PCDH7: variants seen among roughly 807,000 people sequenced by gnomAD.
The protein encoded by PCDH7 is protocadherin 7.
Under a neutral mutation model 58.9 loss-of-function variants are expected in PCDH7, and 17 were observed. The observed-to-expected ratio is 0.29, with a 90% CI of 0.20 to 0.43. The LOEUF is 0.43. PCDH7 is among the 20% of genes least tolerant of loss of function. The pLI is 1.00. For synonymous variants in PCDH7, 664 were observed against 616.4 expected, an observed-to-expected ratio of 1.08 and a Z score of -1.14; for missense variants, 1,274 against 1,441.0, an observed-to-expected ratio of 0.88 and a Z score of 1.88.
intron 3 of PCDH7, among the ~76,000 whole-genome samples, chr4:30,959,245 T>C (rs1442396183): frequency 7.1e-6 from 1 of 141,788 alleles, no homozygotes; most frequent in Non-Finnish European, 1.6e-5. Flanking sequence ...AATTGGAAAG[T>C]CTTTTTTTTT....
chr4:31,001,412 A>C (rs912825912), intron 3 of PCDH7, among the ~76,000 whole-genome samples: 2 of 152,180 alleles, frequency 1.3e-5, no homozygotes, highest in Admixed American at 6.5e-5. Flanking sequence ...ACAAGAGCAC[A>C]TAAAATCAAC....
At chr4:30,979,349 G>GA (rs1038971086) in intron 3 of PCDH7, among the ~76,000 whole-genome samples, 2 of 146,928 alleles carry the variant, frequency 1.4e-5, no homozygotes, top group Admixed American at 6.7e-5. Context: ...AGAAAAAAAA[G>GA]AAAAAAAAAT....
chr4:30,813,736 G>GAAAA (rs1727294825), intron 1 of PCDH7, among the ~76,000 whole-genome samples: 1 of 152,126 alleles, frequency 6.6e-6, no homozygotes, highest in South Asian at 2.1e-4. Context: ...CCACCTTCTG[G>GAAAA]TTTCAAGCAA....
chr4:31,064,412 C>A (rs1245435899), intron 3 of PCDH7, among the ~76,000 whole-genome samples: 1 of 151,924 alleles, frequency 6.6e-6, no homozygotes, highest in African/African-American at 2.4e-5. Context: ...TTGTATGTGG[C>A]AACAAAATGT....
chr4:30,723,828 C>G lies in PCDH7; in HGVS notation c.2406C>G (p.Ser802=). The G allele has an allele frequency of 6.2e-7, 1 of 1,614,076 alleles. No individual in the cohort carries two copies. Among genetic ancestry groups the G allele is most frequent in the Non-Finnish European group, 8.5e-7 (1 of 1,180,000 alleles). ...TTGATCCCACTAGTGGTGTGGTTTC[C>G]TTAGTGGGAAAACTCACCCAAAAGC... The change falls in exon 1 of 2, where the codon TCC becomes TCG. Residue 802 remains serine (S), a synonymous_variant. Coordinates refer to ENST00000361762, the Ensembl canonical transcript of PCDH7. The surrounding 1 kb of genome is among the most constrained non-coding windows in gnomAD (Gnocchi z 4.6).
chr4:31,075,604 G>C (rs907902070), intron 3 of PCDH7, among the ~76,000 whole-genome samples: 1 of 152,102 alleles, frequency 6.6e-6, no homozygotes, highest in African/African-American at 2.4e-5. Context: ...ATTATGACTT[G>C]GGACCCTCAA....
chr4:31,044,536 T>A (rs954947525), intron 3 of PCDH7, among the ~76,000 whole-genome samples: 6 of 152,050 alleles, frequency 3.9e-5, no homozygotes, highest in African/African-American at 1.4e-4. Context: ...TGTTTTCTTA[T>A]GCTAGGAGGC....
At chr4:31,134,638 C>T (rs1265612135) in intron 3 of PCDH7, among the ~76,000 whole-genome samples, 2 of 152,124 alleles carry the variant, frequency 1.3e-5, no homozygotes, top group African/African-American at 2.4e-5. Context: ...ACAAACATAA[C>T]TTAGTGGCTT....
At chr4:30,791,496 A>G (rs1320394473) in intron 1 of PCDH7, among the ~76,000 whole-genome samples, 1 of 152,216 alleles carries the variant, frequency 6.6e-6, no homozygotes, top group East Asian at 1.9e-4. Flanking sequence ...TCTATACTTG[A>G]CATATGACTA....
chr4:30,879,468 T>A (rs1451250679), intron 1 of PCDH7, among the ~76,000 whole-genome samples: 3 of 152,128 alleles, frequency 2.0e-5, no homozygotes, highest in Non-Finnish European at 4.4e-5. Context: ...AATTTCTCTC[T>A]TAAGCCCCAA....
intron 3 of PCDH7, among the ~76,000 whole-genome samples, chr4:31,133,489 A>G (rs1180792546): frequency 1.3e-5 from 2 of 152,190 alleles, no homozygotes; most frequent in Admixed American, 6.5e-5. Flanking sequence ...TCAATTGGTT[A>G]TTGTGGAATA....
intron 1 of PCDH7, among the ~76,000 whole-genome samples, chr4:30,891,074 A>G (rs1311676145): frequency 6.6e-6 from 1 of 152,062 alleles, no homozygotes; most frequent in Non-Finnish European, 1.5e-5. Context: ...CTGAATTTTT[A>G]TCACCTTCTC....
intron 3 of PCDH7, among the ~76,000 whole-genome samples, chr4:30,988,778 CAA>C (rs1751207388): frequency 6.6e-6 from 1 of 152,046 alleles, no homozygotes; most frequent in African/African-American, 2.4e-5. Context: ...ACAAAAATAA[CAA>C]GAGATTATTT....
intron 2 of PCDH7, among the ~76,000 whole-genome samples, chr4:30,924,981 T>C (rs1743662825): frequency 6.6e-6 from 1 of 152,110 alleles, no homozygotes; most frequent in African/African-American, 2.4e-5. Context: ...CCCTAATTCA[T>C]TTTATGCCTC....
chr4:30,802,432 A>T (rs1049245829), intron 1 of PCDH7, among the ~76,000 whole-genome samples: 33 of 152,156 alleles, frequency 2.2e-4, no homozygotes, highest in African/African-American at 7.7e-4. Context: ...CAAAATAGGA[A>T]AATTTGGTAG....
chr4:30,811,856 A>G (rs1387313021), intron 1 of PCDH7, among the ~76,000 whole-genome samples: 1 of 152,164 alleles, frequency 6.6e-6, no homozygotes, highest in Non-Finnish European at 1.5e-5. Flanking sequence ...AGATCACTGG[A>G]GCTGGGCCTT....
chr4:30,870,977 T>C (rs943177247), intron 1 of PCDH7, among the ~76,000 whole-genome samples: 2 of 152,130 alleles, frequency 1.3e-5, no homozygotes, highest in African/African-American at 4.8e-5. Flanking sequence ...GGATGTTCTC[T>C]TGTCATTTAT....
chr4:30,835,613 G>GA (rs767661940), intron 1 of PCDH7, among the ~76,000 whole-genome samples: 1,815 of 152,204 alleles, frequency 0.012, 27 homozygotes, highest in Admixed American at 0.037. Flanking sequence ...GCAAAGACTG[G>GA]AAGAGAGGGC....
intron 3 of PCDH7, among the ~76,000 whole-genome samples, chr4:31,024,898 A>G (rs1754305531): frequency 6.6e-6 from 1 of 152,072 alleles, no homozygotes; most frequent in Admixed American, 6.5e-5. Flanking sequence ...ACGCACCACC[A>G]TGCCCAACTA....
Sources: allele counts gnomAD v4.1 joint callset (sites outside exome capture counted in the v4.1 genomes callset), GRCh38; gene constraint gnomAD v4.1.1; non-coding constraint Gnocchi (gnomAD v3.1); transcripts MANE v1.5; gene names NCBI Gene and HGNC (gene_info 2026-07-23, HGNC 2026-07-21).